PPAT: variants seen among roughly 807,000 people sequenced by gnomAD.
PPAT encodes the protein phosphoribosyl pyrophosphate amidotransferase.
Under a neutral mutation model 60.2 loss-of-function variants are expected in PPAT, and 20 were observed. The ratio of observed to expected loss-of-function variants is 0.33; its 90% CI spans 0.23 to 0.48. The LOEUF (loss-of-function observed/expected upper bound fraction) is 0.48, where lower values mean the gene tolerates loss of function less well. PPAT is among the 20% of genes least tolerant of loss of function. The pLI is 0.99. For missense variants in PPAT, 349 were observed against 629.6 expected, an observed-to-expected ratio of 0.55 and a Z score of 4.77; for synonymous variants, 194 against 215.1, an observed-to-expected ratio of 0.90 and a Z score of 0.86.
intron 9 of PPAT, among the ~76,000 whole-genome samples, chr4:56,398,637 G>C (rs1716040893): frequency 6.6e-6 from 1 of 151,380 alleles, no homozygotes; most frequent in Non-Finnish European, 1.5e-5. Flanking sequence ...TTTTAGGAGA[G>C]GTGAGTTTCA....
At chr4:56,428,997 A>C in intron 1 of PPAT, 1 of 972,066 alleles carries the variant, frequency 1.0e-6, no homozygotes, top group Non-Finnish European at 1.2e-6. Context: ...AGAAAAGCAC[A>C]TGAAGATGGT....
In PPAT at chr4:56,404,972, G is replaced by C. The variant is rs372606546; in HGVS notation, c.402+1523C>G. Among the ~76,000 whole-genome samples the C allele has an allele frequency of 3.9e-5, 6 of 152,078 alleles. No individual in the cohort carries two copies. The South Asian group carries it at 1.0e-3, about 26-fold the overall frequency. On this transcript the variant is annotated intron_variant, in intron 3 of 10. Transcript: ENST00000264220. ...AACCATCTATTACTAAATATCACCA[G>C]GTTCTGAAGTTACCAAGTCAAGGTT...
chr4:56,399,303 T>G lies in PPAT; in HGVS notation c.1112A>C (p.Lys371Thr). 1 of 1,614,028 alleles carries G rather than the reference T, an allele frequency of 6.2e-7. No homozygotes were observed. Among genetic ancestry groups the G allele is most frequent in the Non-Finnish European group, 8.5e-7 (1 of 1,179,940 alleles). Residue 371 changes from lysine to threonine, a missense_variant, in exon 9 of 11, where the codon AAA becomes ACA. By Grantham distance (78) the Lys-to-Thr change is moderately conservative. Transcript: ENST00000264220. Reference sequence around the variant, plus strand: ...GTTGTCTGACAATACTCCAAATTTTTTTGCAACACCAAGTTGTCTTAACCT... The same window carrying G: ...GTTGTCTGACAATACTCCAAATTTTGTTGCAACACCAAGTTGTCTTAACCT... Reference protein sequence around the residue: ...NMRLRQLGVAKKFGVLSDNFK... With the variant: ...NMRLRQLGVATKFGVLSDNFK...
intron 5 of PPAT, 145 bp downstream of exon 5, chr4:56,402,895 A>G (rs1386994046): frequency 3.1e-6 from 2 of 645,690 alleles, no homozygotes; most frequent in African/African-American, 1.9e-5. Flanking sequence ...GTACTTTAAA[A>G]AGGAAGAATA....
chr4:56,407,921 T>A (rs1716288256), intron 1 of PPAT, among the ~76,000 whole-genome samples: 1 of 152,202 alleles, frequency 6.6e-6, no homozygotes, highest in African/African-American at 2.4e-5. Context: ...CAATTAGATA[T>A]CTCATCTAAT....
intron 1 of PPAT, among the ~76,000 whole-genome samples, chr4:56,419,392 G>A (rs1716926280): frequency 6.6e-6 from 1 of 152,032 alleles, no homozygotes; most frequent in South Asian, 2.1e-4. Flanking sequence ...ATCAAAATAT[G>A]ACTAAAAAAA....
In PPAT at chr4:56,396,812, A is replaced by T. The variant is rs1715977533; in HGVS notation, c.1237-73T>A. 7 of 1,442,248 alleles carry T rather than the reference A, an allele frequency of 4.9e-6. No individual in the cohort carries two copies. Among genetic ancestry groups the T allele is most frequent in the Non-Finnish European group, 4.7e-6 (5 of 1,068,932 alleles). 89.3% of individuals were successfully genotyped at this position (1,442,248 alleles called of 1,614,324 possible). On this transcript the variant is annotated intron_variant, in intron 9 of 10. Coordinates refer to ENST00000264220, the MANE Select transcript of PPAT (RefSeq NM_002703.5). The surrounding 1 kb of genome is among the most constrained non-coding windows in gnomAD (Gnocchi z 4.6). Reference sequence around the variant, plus strand: ...TCTTTCATTGTGCAAATACAATACAAAATTGTTTTGCAGAATATTCAGTAA... The same window carrying T: ...TCTTTCATTGTGCAAATACAATACATAATTGTTTTGCAGAATATTCAGTAA...
chr4:56,395,602 A>G lies in PPAT; in HGVS notation c.1358-54T>C, dbSNP rs1578111695. The G allele has an allele frequency of 3.1e-6, 4 of 1,299,936 alleles. No individual in the cohort carries two copies. The East Asian group carries it at 1.1e-4, about 35-fold the overall frequency. 80.5% of individuals were successfully genotyped at this position (1,299,936 alleles called of 1,614,324 possible). A position where few individuals can be genotyped will look rare whatever the true frequency, so the allele number is the denominator to read the frequency against. ...AATAAGAATTCCTTTAGAAAGGAAGAAACGCGTCAACAGAGAATAGTTACA... is the reference window on the plus strand; with the variant it reads ...AATAAGAATTCCTTTAGAAAGGAAGGAACGCGTCAACAGAGAATAGTTACA... On this transcript the variant is annotated intron_variant, in intron 10 of 10. Coordinates refer to ENST00000264220, the MANE Select transcript of PPAT (RefSeq NM_002703.5).
chr4:56,405,003 G>A lies in PPAT; in HGVS notation c.402+1492C>T, dbSNP rs140887703. Among the ~76,000 whole-genome samples, 689 of 151,880 alleles carry A rather than the reference G, an allele frequency of 4.5e-3. 7 individuals carry two copies. Among genetic ancestry groups the A allele is most frequent in the African/African-American group, 0.016 (656 of 41,406 alleles). ...GAAGTTACCAAGTCAAGGTTATTGGGAGCTAATAAACTGAAGAAACTCAAC... is the reference window on the plus strand; with the variant it reads ...GAAGTTACCAAGTCAAGGTTATTGGAAGCTAATAAACTGAAGAAACTCAAC... On this transcript the variant is annotated intron_variant, in intron 3 of 10. Coordinates refer to ENST00000264220, the MANE Select transcript of PPAT (RefSeq NM_002703.5).
At chr4:56,400,952 C>T (rs756685395) in intron 7 of PPAT, 41 bp from the exon 8 acceptor site, 1 of 1,563,782 alleles carries the variant, frequency 6.4e-7, no homozygotes, top group African/African-American at 1.4e-5. Context: ...TTTTACTTAG[C>T]ATGATATAAC....
At chr4:56,411,235 G>C (rs1202561598) in intron 1 of PPAT, among the ~76,000 whole-genome samples, 2 of 152,110 alleles carry the variant, frequency 1.3e-5, no homozygotes, top group African/African-American at 4.8e-5. Context: ...AATTTTATAA[G>C]AGTGGTAAAT....
At chr4:56,402,951 T>C in intron 5 of PPAT, 89 bp downstream of exon 5, 1 of 1,273,050 alleles carries the variant, frequency 7.9e-7, no homozygotes. Flanking sequence ...ACCCATCAAC[T>C]TTCTATACCT....
Position 56,396,595 on chromosome 4 carries a change from G to A in PPAT, c.1357+24C>T, listed in dbSNP as rs1715972813. On this transcript the variant is annotated intron_variant, in intron 10 of 10. Coordinates refer to ENST00000264220, the MANE Select transcript of PPAT (RefSeq NM_002703.5). This position sits in a 1 kb window ranked among gnomAD's most constrained non-coding sequence, Gnocchi z 4.6. ...TGGATTTTCTCTGTTAATAATCAAA[G>A]TTTATAGAAATTTTAATACTTACCT... 3 of 1,582,226 alleles carry A rather than the reference G, an allele frequency of 1.9e-6. No individual in the cohort carries two copies. The highest frequency in any genetic ancestry group is 3.4e-5 in the Admixed American group (2 of 58,494).
chr4:56,406,759 ACG>A, intron 2 of PPAT, 58 bp from the exon 3 acceptor site: 1 of 1,218,052 alleles, frequency 8.2e-7, no homozygotes, highest in Non-Finnish European at 1.2e-6. Flanking sequence ...CTAGTAATAA[ACG>A]CCTCTCTTCT....
At chr4:56,407,760 T>TTAGCTTCTTGAA in intron 1 of PPAT, 44 bp from the exon 2 acceptor site, 2 of 1,448,514 alleles carry the variant, frequency 1.4e-6, no homozygotes, top group South Asian at 2.3e-5. Context: ...TGCCAATTGA[T>TTAGCTTCTTGAA]TAGCTTCTTG....
At chr4:56,415,992 C>G (rs1293231536) in intron 1 of PPAT, among the ~76,000 whole-genome samples, 1 of 151,800 alleles carries the variant, frequency 6.6e-6, no homozygotes, top group Non-Finnish European at 1.5e-5. Context: ...ATTGCTTGAA[C>G]CCGGGAGGCG....
At chr4:56,402,848 AG>A (rs377686688) in intron 5 of PPAT, among the ~76,000 whole-genome samples, 191 bp downstream of exon 5, 23,278 of 75,494 alleles carry the variant, frequency 0.31, 3,983 homozygotes, top group South Asian at 0.37. Context: ...AAAAAAAAAA[AG>A]GGGGGGGACT....
At chr4:56,429,796 C>T (rs866429041) in intron 1 of PPAT, among the ~76,000 whole-genome samples, 122 of 152,286 alleles carry the variant, frequency 8.0e-4, no homozygotes, top group African/African-American at 2.6e-3. Context: ...ATCATCCTTC[C>T]GCCCCCATAA....
chr4:56,408,475 C>G (rs1169223795), intron 1 of PPAT: 1 of 147,818 alleles, frequency 6.8e-6, no homozygotes, highest in African/African-American at 2.5e-5. Flanking sequence ...CAATAACCTC[C>G]TGCCTTCTCA....
Sources: gnomAD v4.1 joint callset for allele counts (sites outside exome capture counted in the v4.1 genomes callset) on GRCh38, gnomAD v4.1.1 for gene constraint, Gnocchi (gnomAD v3.1) non-coding constraint, MANE v1.5 for transcripts, NCBI Gene and HGNC (gene_info 2026-07-23, HGNC 2026-07-21) for gene names.